Variants in PLEKHG1 observed in about 807,000 individuals in gnomAD.
PLEKHG1 encodes pleckstrin homology domain-containing family G member 1.
In PLEKHG1, 44 loss-of-function variants were observed where a neutral mutation model predicts 100.8. The ratio of observed to expected loss-of-function variants is 0.44; its 90% confidence interval spans 0.34 to 0.56. PLEKHG1 has a LOEUF of 0.56. PLEKHG1 is among the 20% of genes least tolerant of loss of function. PLEKHG1 has a pLI of 0.01. For missense variants in PLEKHG1, 1,545 were observed against 1,720.9 expected, an observed-to-expected ratio of 0.90 and a Z score of 1.81; for synonymous variants, 640 against 662.5, an observed-to-expected ratio of 0.97 and a Z score of 0.52.
intron 1 of PLEKHG1, among the ~76,000 whole-genome samples, chr6:150,610,321 C>T (rs1048822526): frequency 2.6e-5 from 4 of 152,158 alleles, no homozygotes; most frequent in South Asian, 2.1e-4. Context: ...AGGCTGGTCC[C>T]GAACTCCCGA....
At chr6:150,735,433 A>G (rs1162207045) in intron 2 of PLEKHG1, among the ~76,000 whole-genome samples, 1 of 152,218 alleles carries the variant, frequency 6.6e-6, no homozygotes, top group Non-Finnish European at 1.5e-5. Context: ...GCCAATGAGC[A>G]TGTTCTTCCC....
chr6:150,840,921 T>C, exon 16 of PLEKHG1: 2 of 1,520,312 alleles, frequency 1.3e-6, no homozygotes, highest in Non-Finnish European at 1.8e-6. Context: ...ACTGCTTGAA[T>C]CAACTTCTTA....
chr6:150,672,065 G>C (rs571303030), intron 3 of PLEKHG1, among the ~76,000 whole-genome samples: 1 of 152,212 alleles, frequency 6.6e-6, no homozygotes, highest in Non-Finnish European at 1.5e-5. Context: ...CTGCAGGCCA[G>C]TCAAGAGCTG....
chr6:150,653,449 TAAAAG>T (rs1462644220), intron 3 of PLEKHG1, among the ~76,000 whole-genome samples: 1 of 150,670 alleles, frequency 6.6e-6, no homozygotes, highest in African/African-American at 2.4e-5. Context: ...AAAAAAAAAA[TAAAAG>T]TAAACAGGCT....
At chr6:150,742,843 G>A (rs529372487) in intron 2 of PLEKHG1, among the ~76,000 whole-genome samples, 2 of 152,284 alleles carry the variant, frequency 1.3e-5, no homozygotes, top group Admixed American at 1.3e-4. Flanking sequence ...GTGTTCAGGT[G>A]AGGAGGAGCA....
intron 3 of PLEKHG1, among the ~76,000 whole-genome samples, chr6:150,657,228 A>C (rs1192294836): frequency 6.6e-6 from 1 of 152,172 alleles, no homozygotes; most frequent in African/African-American, 2.4e-5. Flanking sequence ...ACTTCATTAA[A>C]AGTGACCTGT....
At chr6:150,789,693 A>G (rs1455819859) in intron 4 of PLEKHG1, among the ~76,000 whole-genome samples, 7 of 152,184 alleles carry the variant, frequency 4.6e-5, no homozygotes, top group Admixed American at 2.6e-4. Flanking sequence ...AGTCAACTTG[A>G]TATTGTTCTA....
At chr6:150,724,975 G>A (rs1295191814) in intron 1 of PLEKHG1, among the ~76,000 whole-genome samples, 1 of 152,194 alleles carries the variant, frequency 6.6e-6, no homozygotes, top group African/African-American at 2.4e-5. Context: ...CTACTCAACT[G>A]AGGTAGCCAT....
intron 1 of PLEKHG1, among the ~76,000 whole-genome samples, chr6:150,728,293 A>G (rs1014435481): frequency 6.6e-6 from 1 of 152,222 alleles, no homozygotes; most frequent in African/African-American, 2.4e-5. Flanking sequence ...TAGTAGCAAC[A>G]GTATAAAAAA....
intron 4 of PLEKHG1, among the ~76,000 whole-genome samples, chr6:150,792,373 CA>C (rs1181774887): frequency 6.7e-6 from 1 of 148,864 alleles, no homozygotes; most frequent in East Asian, 2.0e-4. Flanking sequence ...AAAAAAAAAC[CA>C]AAAAAACACC....
intron 2 of PLEKHG1, among the ~76,000 whole-genome samples, chr6:150,755,111 G>A (rs992557521): frequency 6.6e-6 from 1 of 152,126 alleles, no homozygotes; most frequent in Admixed American, 6.6e-5. Flanking sequence ...AAGTAGCTGG[G>A]ACTACAGATA....
intron 1 of PLEKHG1, among the ~76,000 whole-genome samples, chr6:150,617,084 T>G (rs990458364): frequency 6.6e-6 from 1 of 152,262 alleles, no homozygotes. Flanking sequence ...ATTTAAATTC[T>G]GTGAATTTTC....
At chr6:150,779,323 G>A in intron 3 of PLEKHG1, among the ~76,000 whole-genome samples, 1 of 146,710 alleles carries the variant, frequency 6.8e-6, no homozygotes, top group Non-Finnish European at 1.5e-5. Context: ...TAAAACACAG[G>A]GGGTTAAATA....
chr6:150,749,928 C>T (rs1166745155), intron 2 of PLEKHG1, among the ~76,000 whole-genome samples: 4 of 151,832 alleles, frequency 2.6e-5, no homozygotes, highest in African/African-American at 7.3e-5. Context: ...AAAAATGAGC[C>T]GGGCATGGTG....
upstream of PLEKHG1, among the ~76,000 whole-genome samples, chr6:150,717,224 G>C (rs1236512381): frequency 2.0e-5 from 3 of 150,984 alleles, no homozygotes; most frequent in Non-Finnish European, 4.4e-5. Flanking sequence ...TTTTTTAGTA[G>C]ATTCTGAGTT....
At chr6:150,743,242 G>A (rs1409965987) in intron 2 of PLEKHG1, among the ~76,000 whole-genome samples, 1 of 152,216 alleles carries the variant, frequency 6.6e-6, no homozygotes, top group East Asian at 1.9e-4. Flanking sequence ...GGAAGAGGCT[G>A]GGTGTGGCGG....
intron 3 of PLEKHG1, among the ~76,000 whole-genome samples, chr6:150,659,303 G>C (rs1267858247): frequency 6.6e-6 from 1 of 151,574 alleles, no homozygotes; most frequent in African/African-American, 2.4e-5. Context: ...TTTTTTTTCA[G>C]TTTTAATTCA....
chr6:150,831,461 T>C lies in PLEKHG1; in HGVS notation c.2350T>C (p.Phe784Leu). ...CGTGTGCTGTGACAGCCTGAGGCCA[T>C]TTGTTTCCCAAGACAGCCTCCAGCT... The change falls in exon 15 of 16, where the codon TTT (phenylalanine) becomes CTT (leucine). Residue 784 changes from phenylalanine to leucine, a missense_variant. By Grantham distance (22) the Phe-to-Leu change is conservative (BLOSUM62 0). Coordinates refer to ENST00000358517, the Ensembl canonical transcript of PLEKHG1. This position sits in a 1 kb window ranked among gnomAD's most constrained non-coding sequence, Gnocchi z 4.1. 1 of 1,614,110 alleles carries C rather than the reference T, an allele frequency of 6.2e-7. No individual in the cohort carries two copies. The highest frequency in any genetic ancestry group is 8.5e-7 in the Non-Finnish European group (1 of 1,180,016).
rs1583013707 is a variant in PLEKHG1, at chr6:150,728,056, ACT to A, written c.-98-5525_-98-5524del. Among the ~76,000 whole-genome samples, 6 of 152,262 alleles carry A rather than the reference ACT, an allele frequency of 3.9e-5. No individual in the cohort carries two copies. The East Asian group carries it at 1.2e-3, about 29-fold the overall frequency. On this transcript the variant is annotated intron_variant, in intron 1 of 15. Transcript: ENST00000358517. ...TCTGCTACACAGAGATGACCTCCCA[ACT>A]CTATTTTTGCTAATTTTTAACAATA...
Sources: gnomAD v4.1 joint callset for allele counts (sites outside exome capture counted in the v4.1 genomes callset) on GRCh38, gnomAD v4.1.1 for gene constraint, Gnocchi (gnomAD v3.1) non-coding constraint, MANE v1.5 for transcripts, NCBI Gene and HGNC (gene_info 2026-07-23, HGNC 2026-07-21) for gene names.